CATSPERE: variants seen among roughly 807,000 people sequenced by gnomAD.
The protein encoded by CATSPERE is catsper channel auxiliary subunit epsilon.
CATSPERE carries 93 observed loss-of-function variants against 114.1 expected under a neutral mutation model. The ratio of observed to expected loss-of-function variants is 0.81; its 90% confidence interval spans 0.69 to 0.97. CATSPERE has a LOEUF of 0.97. Ranked by LOEUF, CATSPERE falls within the 50% of genes least tolerant of loss-of-function variation. CATSPERE has a pLI of 0.00. For missense variants in CATSPERE, 1,058 were observed against 1,131.6 expected (o/e 0.93, Z 0.93); for synonymous variants, 341 against 384.1 (o/e 0.89, Z 1.31).
chr1:244,523,013 C>G (rs528944658), intron 8 of CATSPERE, among the ~76,000 whole-genome samples: 3 of 149,096 alleles, frequency 2.0e-5, no homozygotes, highest in South Asian at 2.1e-4. Flanking sequence ...GATACCAAAG[C>G]CGGGCAGAGA....
intron 8 of CATSPERE, among the ~76,000 whole-genome samples, chr1:244,518,939 G>A (rs979964308): frequency 7.9e-5 from 12 of 152,070 alleles, no homozygotes; most frequent in African/African-American, 2.7e-4. Flanking sequence ...ATTCAGGTTG[G>A]TGGCAAATCC....
chr1:244,451,656 G>T (rs1319410204), upstream of CATSPERE: 1 of 1,610,552 alleles, frequency 6.2e-7, no homozygotes, highest in Non-Finnish European at 8.5e-7. This position sits in a 1 kb window ranked among gnomAD's most constrained non-coding sequence, Gnocchi z 6.6. Context: ...ACACGATGTC[G>T]GCGTCCTGCG....
At chr1:244,468,912 T>C (rs1222213964) in intron 2 of CATSPERE, among the ~76,000 whole-genome samples, 1 of 152,186 alleles carries the variant, frequency 6.6e-6, no homozygotes, top group Non-Finnish European at 1.5e-5. Context: ...AATGAGACCC[T>C]GTTTCAGAGA....
At chr1:244,477,724 A>G (rs1669588951) in intron 3 of CATSPERE, 110 bp downstream of exon 3, 2 of 985,780 alleles carry the variant, frequency 2.0e-6, no homozygotes, top group Admixed American at 4.6e-5. Context: ...TCTTTCATTA[A>G]GTAGATGTGA....
At position 244,499,023 on chromosome 1, in the gene CATSPERE, G is replaced by A; in HGVS notation, c.373G>A (p.Asp125Asn). ...CTAGCTTATCACTGTGTGGGCATAT[G>A]ATCCAGAAAGTGCAGATCCTGATGA... Reference protein sequence around the residue: ...FTQLITVWAYDPESADPDELL... With the variant: ...FTQLITVWAYNPESADPDELL... Residue 125 changes from aspartate to asparagine, a missense_variant, in exon 7 of 22, where the codon GAT becomes AAT. Transcript: ENST00000366534. The A allele has an allele frequency of 6.2e-7, 1 of 1,612,900 alleles. No homozygotes were observed. Among genetic ancestry groups the A allele is most frequent in the Non-Finnish European group, 8.5e-7 (1 of 1,178,988 alleles).
intron 11 of CATSPERE, among the ~76,000 whole-genome samples, chr1:244,577,812 T>C (rs1572845811): frequency 6.6e-6 from 1 of 152,190 alleles, no homozygotes; most frequent in Non-Finnish European, 1.5e-5. Flanking sequence ...TTATGAATAT[T>C]ACAAATACAT....
chr1:244,581,002 AAATAAT>A lies in CATSPERE; in HGVS notation c.1951-772_1951-767del, dbSNP rs375831371. Among the ~76,000 whole-genome samples, 52 of 151,048 alleles carry A rather than the reference AAATAAT, an allele frequency of 3.4e-4. 2 individuals carry two copies. Among genetic ancestry groups the A allele is most frequent in the Middle Eastern group, 3.4e-3 (1 of 292 alleles). On this transcript the variant is annotated intron_variant, in intron 11 of 21. Transcript: ENST00000366534. ...GGCGACAAGAGTGAAACTCCATCTC[AAATAAT>A]AATAATAATAATAATAATAATTTCC...
chr1:244,540,049 T>C (rs1658383050), intron 8 of CATSPERE, among the ~76,000 whole-genome samples: 1 of 151,378 alleles, frequency 6.6e-6, no homozygotes, highest in South Asian at 2.1e-4. Flanking sequence ...ACAGCCAATA[T>C]CATACTGAAT....
At chr1:244,456,302 T>G (rs1480330089), upstream of CATSPERE, among the ~76,000 whole-genome samples, 1 of 151,952 alleles carries the variant, frequency 6.6e-6, no homozygotes, top group South Asian at 2.1e-4. Flanking sequence ...TGTTTGGCCC[T>G]AGAAACACAA....
At chr1:244,614,569 A>AT (rs1491543648) in intron 19 of CATSPERE, among the ~76,000 whole-genome samples, 4 of 152,154 alleles carry the variant, frequency 2.6e-5, no homozygotes. Context: ...GCGGGAACAC[A>AT]TGTGTTCTCT....
At chr1:244,604,896 A>G (rs1019902441) in intron 17 of CATSPERE, among the ~76,000 whole-genome samples, 8 of 152,176 alleles carry the variant, frequency 5.3e-5, no homozygotes, top group South Asian at 2.1e-4. Flanking sequence ...AATAAGCCCA[A>G]TGGGACCTGT....
chr1:244,455,556 G>C (rs1271775899), intron 1 of CATSPERE, among the ~76,000 whole-genome samples: 1 of 151,102 alleles, frequency 6.6e-6, no homozygotes, highest in African/African-American at 2.4e-5. Flanking sequence ...TTAATTAAAA[G>C]TGGATAAACA....
upstream of CATSPERE, chr1:244,451,902 A>C (rs972841692): frequency 3.0e-6 from 4 of 1,343,504 alleles, no homozygotes; most frequent in Non-Finnish European, 3.9e-6. The surrounding 1 kb of genome is among the most constrained non-coding windows in gnomAD (Gnocchi z 6.6). Context: ...CGCCAGCCAC[A>C]TGCAGAGGAA....
intron 6 of CATSPERE, among the ~76,000 whole-genome samples, chr1:244,490,892 A>T (rs1489217709): frequency 6.6e-6 from 1 of 152,192 alleles, no homozygotes; most frequent in East Asian, 1.9e-4. Context: ...CTTGAAAAAA[A>T]ATTATCTTTA....
At position 244,560,978 on chromosome 1, in the gene CATSPERE, T is replaced by A; in HGVS notation, c.1340T>A (p.Met447Lys). The A allele has an allele frequency of 6.2e-7, 1 of 1,614,132 alleles. No individual in the cohort carries two copies. Among genetic ancestry groups the A allele is most frequent in the Non-Finnish European group, 8.5e-7 (1 of 1,179,994 alleles). ...GATGCCCCTATTGACAGTGTTACCA[T>A]GCCACATTTTACATTTTCAGCACTG... is the stretch of plus-strand genomic sequence containing the variant. ...TLDAPIDSVT[M>K]PHFTFSALPG... The change falls in exon 10 of 22, where the codon ATG (methionine) becomes AAG (lysine). Residue 447 changes from methionine to lysine, a missense_variant. By Grantham distance (95) the Met-to-Lys change is moderately conservative. Transcript: ENST00000366534.
intron 7 of CATSPERE, among the ~76,000 whole-genome samples, chr1:244,514,284 A>G (rs1380727018): frequency 6.6e-6 from 1 of 152,212 alleles, no homozygotes; most frequent in Non-Finnish European, 1.5e-5. Flanking sequence ...TGAGTTAAAT[A>G]GCCACTTTCA....
intron 17 of CATSPERE, 140 bp downstream of exon 17, chr1:244,593,718 T>C: frequency 1.4e-6 from 1 of 711,556 alleles, no homozygotes; most frequent in East Asian, 2.7e-5. Context: ...TTTTCAGTAC[T>C]AGTTATACAA....
intron 10 of CATSPERE, among the ~76,000 whole-genome samples, chr1:244,563,175 G>A (rs1662857864): frequency 6.6e-6 from 1 of 152,104 alleles, no homozygotes; most frequent in Admixed American, 6.6e-5. Context: ...TCATTAATGG[G>A]CATTTGGGTT....
chr1:244,598,701 T>A, intron 17 of CATSPERE: 1 of 212,730 alleles, frequency 4.7e-6, no homozygotes, highest in South Asian at 6.3e-5. Flanking sequence ...TAATTCTCTC[T>A]TTTGTTGCTC....
Sources: gnomAD v4.1 joint callset for allele counts (sites outside exome capture counted in the v4.1 genomes callset) on GRCh38, gnomAD v4.1.1 for gene constraint, Gnocchi (gnomAD v3.1) non-coding constraint, MANE v1.5 for transcripts, NCBI Gene and HGNC (gene_info 2026-07-23, HGNC 2026-07-21) for gene names.